Variants in TMEM164 observed in about 807,000 individuals in gnomAD.
The protein encoded by TMEM164 is RP13-360B22.2.
Under a neutral mutation model 18.8 loss-of-function variants are expected in TMEM164, and 4 were observed. The ratio of observed to expected loss-of-function variants is 0.21; its 90% CI spans 0.10 to 0.49. The LOEUF (loss-of-function observed/expected upper bound fraction) is 0.49, where lower values mean the gene tolerates loss of function less well. Ranked by LOEUF, TMEM164 falls within the 20% of genes least tolerant of loss-of-function variation. The pLI is 0.98. For synonymous variants in TMEM164, 86 were observed against 101.7 expected, an observed-to-expected ratio of 0.85 and a Z score of 0.93; for missense variants, 108 against 239.9, an observed-to-expected ratio of 0.45 and a Z score of 3.63.
intron 5 of TMEM164, among the ~76,000 whole-genome samples, chrX:110,161,207 G>A (rs2067089047): frequency 9.0e-6 from 1 of 111,688 alleles, no homozygotes; most frequent in East Asian, 2.8e-4. Context: ...GAAGTACTTT[G>A]GCCAATGGCA....
intron 5 of TMEM164, among the ~76,000 whole-genome samples, chrX:110,146,565 G>A (rs2066857818): frequency 8.9e-6 from 1 of 111,963 alleles, no homozygotes; most frequent in Admixed American, 9.5e-5. Context: ...CTGGTGCAGT[G>A]AGGGTTTAGC....
At chrX:110,057,019 C>T (rs779017764) in intron 2 of TMEM164, among the ~76,000 whole-genome samples, 9 of 109,308 alleles carry the variant, frequency 8.2e-5, no homozygotes, top group East Asian at 2.8e-4. Flanking sequence ...TGTGTGTATG[C>T]GTGTGTGTGT....
chrX:110,027,426 TG>T (rs1488201932), intron 2 of TMEM164, among the ~76,000 whole-genome samples: 1 of 111,848 alleles, frequency 8.9e-6, no homozygotes, highest in South Asian at 3.7e-4. Flanking sequence ...TTATTGTTCC[TG>T]GATATGGTTT....
In TMEM164 at chrX:110,068,729, CT is replaced by C. The variant is rs1170576933; in HGVS notation, c.440+1340del. 8.1e-5 allele frequency among the ~76,000 whole-genome samples: 9 copies of C among 110,565 alleles called. No individual in the cohort carries two copies. In the East Asian group the frequency reaches 1.7e-3, roughly 21 times the overall value. Reference sequence around the variant, plus strand: ...TTTTTGTAGTGGTCCTTTCTTTTCCCTTTTTTTCTTCAGCTCCTAGTTCTAC... The same window carrying C: ...TTTTTGTAGTGGTCCTTTCTTTTCCCTTTTTTCTTCAGCTCCTAGTTCTAC... On this transcript the variant is annotated intron_variant, in intron 3 of 6. Coordinates refer to ENST00000372068, the MANE Select transcript of TMEM164 (RefSeq NM_032227.4).
Position 110,175,585 on chromosome X carries a change from C to A in TMEM164, c.*2134C>A. The A allele has an allele frequency of 4.1e-6, 1 of 244,141 alleles. No homozygotes were observed. The highest frequency in any genetic ancestry group is 5.8e-6 in the Non-Finnish European group (1 of 172,753). 20.1% of individuals were successfully genotyped at this position (244,141 alleles called of 1,213,427 possible). On this transcript the variant is annotated 3_prime_UTR_variant, in exon 7 of 7. Coordinates refer to ENST00000372068, the MANE Select transcript of TMEM164 (RefSeq NM_032227.4). ...AGTACCCCATTCTGGAGGGCACTTTCTGGTGCTTGGAAGGAGAGAAGAAAG... is the reference window on the plus strand; with the variant it reads ...AGTACCCCATTCTGGAGGGCACTTTATGGTGCTTGGAAGGAGAGAAGAAAG...
intron 4 of TMEM164, among the ~76,000 whole-genome samples, chrX:110,128,810 T>C (rs2066571590): frequency 8.9e-6 from 1 of 112,048 alleles, no homozygotes; most frequent in Admixed American, 9.5e-5. Context: ...ATCCATTGAG[T>C]TTTTATTTCA....
At chrX:110,049,748 G>T (rs972898836) in intron 2 of TMEM164, among the ~76,000 whole-genome samples, 18 of 111,622 alleles carry the variant, frequency 1.6e-4, no homozygotes, top group African/African-American at 4.9e-4. Flanking sequence ...TGGAGAAGAG[G>T]GAAAGCAGTG....
intron 3 of TMEM164, among the ~76,000 whole-genome samples, chrX:110,099,087 C>T (rs190573607): frequency 1.2e-3 from 134 of 109,257 alleles, no homozygotes; most frequent in African/African-American, 4.1e-3. Flanking sequence ...CGTGAGCCAC[C>T]GCTCCTGGCT....
chrX:110,039,800 G>C (rs1340169194), intron 2 of TMEM164, among the ~76,000 whole-genome samples: 1 of 112,072 alleles, frequency 8.9e-6, no homozygotes, highest in Non-Finnish European at 1.9e-5. Flanking sequence ...AAACTAACTA[G>C]CTTTCATTTA....
chrX:110,017,664 G>C (rs1345865046), intron 2 of TMEM164, among the ~76,000 whole-genome samples: 1 of 102,700 alleles, frequency 9.7e-6, no homozygotes, highest in Non-Finnish European at 2.0e-5. Context: ...CCGCCTCCTG[G>C]GTTCAAGCGA....
At chrX:110,140,516 C>T (rs1198631188) in intron 4 of TMEM164, among the ~76,000 whole-genome samples, 2 of 111,219 alleles carry the variant, frequency 1.8e-5, no homozygotes, top group African/African-American at 3.3e-5. Context: ...TGGCAGAGGA[C>T]AGTGGTGTAG....
At chrX:110,067,171 C>CAG (rs1936383972) in intron 2 of TMEM164, among the ~76,000 whole-genome samples, 176 bp from the exon 3 acceptor site, 1 of 111,105 alleles carries the variant, frequency 9.0e-6, no homozygotes, top group Non-Finnish European at 1.9e-5. Flanking sequence ...CACACACACA[C>CAG]ACACACACGC....
intron 5 of TMEM164, among the ~76,000 whole-genome samples, chrX:110,168,606 G>A (rs976446038): frequency 7.1e-5 from 8 of 112,758 alleles, no homozygotes; most frequent in African/African-American, 2.6e-4. Context: ...AGGGCCTTCT[G>A]ACTCAGATGT....
At chrX:110,028,243 T>C (rs1934297508) in intron 2 of TMEM164, among the ~76,000 whole-genome samples, 1 of 112,541 alleles carries the variant, frequency 8.9e-6, no homozygotes, top group African/African-American at 3.2e-5. Context: ...TATTATTTGC[T>C]ACTAAAAAAT....
chrX:110,141,270 T>A (rs1056881244), intron 4 of TMEM164, among the ~76,000 whole-genome samples: 1 of 112,391 alleles, frequency 8.9e-6, no homozygotes, highest in African/African-American at 3.2e-5. Flanking sequence ...GTTTCCTGTA[T>A]GTCAGATGCG....
Position 110,173,352 on chromosome X carries a change from G to C in TMEM164, c.795G>C (p.Met265Ile). The C allele has an allele frequency of 8.3e-7, 1 of 1,211,573 alleles. No individual in the cohort carries two copies. Among genetic ancestry groups the C allele is most frequent in the Non-Finnish European group, 1.1e-6 (1 of 895,362 alleles). ...WASGHQTLMTMTHGKLVILFS... is the reference protein window; with the variant it reads ...WASGHQTLMTITHGKLVILFS... ...CGGGACACCAGACTCTCATGACCAT[G>C]ACCCACGGGAAGCTGGTCATCCTGT... Residue 265 changes from methionine to isoleucine, a missense_variant, in exon 7 of 7, where the codon ATG becomes ATC. Met to Ile is a conservative substitution (Grantham distance 10). Transcript: ENST00000372068.
intron 2 of TMEM164, among the ~76,000 whole-genome samples, chrX:110,010,541 A>G (rs4893446): frequency 0.45 from 50,472 of 111,137 alleles, 8,289 homozygotes; most frequent in East Asian, 0.81. Flanking sequence ...GATTCTGAGC[A>G]GGTCTAGGGT....
chrX:110,016,546 A>T (rs1249929128), intron 2 of TMEM164, among the ~76,000 whole-genome samples: 1 of 112,397 alleles, frequency 8.9e-6, no homozygotes, highest in Non-Finnish European at 1.9e-5. Flanking sequence ...TAGTAATAAC[A>T]CTTGTAACAT....
At chrX:110,057,325 G>A (rs902918383) in intron 2 of TMEM164, among the ~76,000 whole-genome samples, 3 of 111,308 alleles carry the variant, frequency 2.7e-5, no homozygotes, top group Admixed American at 1.9e-4. Flanking sequence ...GGGTCCTTCT[G>A]TGTTACTGCA....
Sources: gnomAD v4.1 joint callset for allele counts (sites outside exome capture counted in the v4.1 genomes callset) on GRCh38, gnomAD v4.1.1 for gene constraint, MANE v1.5 for transcripts, NCBI Gene and HGNC (gene_info 2026-07-23, HGNC 2026-07-21) for gene names.